Variants in MIA2 observed in about 807,000 individuals in gnomAD.
The protein encoded by MIA2 is MIA SH3 domain ER export factor 2.
A neutral mutation model predicts 167.8 loss-of-function variants in MIA2; 127 were observed. The observed-to-expected ratio is 0.76, with a 90% CI of 0.66 to 0.88. MIA2 has a LOEUF of 0.88. Ranked by LOEUF, MIA2 falls within the 40% of genes least tolerant of loss-of-function variation. The pLI, the probability that MIA2 is intolerant of heterozygous loss-of-function variation, is 0.00. For missense variants in MIA2, 1,690 were observed against 1,624.7 expected (o/e 1.04, Z -0.69); for synonymous variants, 552 against 541.9 (o/e 1.02, Z -0.26).
chr14:39,299,938 C>T lies in MIA2; in HGVS notation c.2571C>T (p.Ser857=). The T allele has an allele frequency of 6.2e-7, 1 of 1,609,550 alleles. No homozygotes were observed. The highest frequency in any genetic ancestry group is 8.5e-7 in the Non-Finnish European group (1 of 1,178,486). The change falls in exon 14 of 29, where the codon TCC becomes TCT. Residue 857 remains serine (S), a synonymous_variant. Transcript: ENST00000640607. ...AACAGAAAGTAACATTTGAAGACTC[C>T]AAAGTACATGCAGAACAAGTTCTAA... ...LNKQKVTFED[S]KVHAEQVLND... is the part of the protein sequence containing the mutation.
chr14:39,303,353 T>C (rs2062828572), intron 15 of MIA2, 125 bp from the exon 16 acceptor site: 3 of 701,832 alleles, frequency 4.3e-6, no homozygotes, highest in Non-Finnish European at 7.1e-6. Flanking sequence ...TACCAAATTC[T>C]TTATTGTAGC....
intron 4 of MIA2, among the ~76,000 whole-genome samples, chr14:39,251,147 T>A (rs1269852364): frequency 6.6e-6 from 1 of 152,190 alleles, no homozygotes; most frequent in Non-Finnish European, 1.5e-5. Flanking sequence ...GATGAATCAC[T>A]GATCTTGAAT....
At chr14:39,321,672 GATATA>G (rs1044832496) in intron 24 of MIA2, among the ~76,000 whole-genome samples, 10 of 151,728 alleles carry the variant, frequency 6.6e-5, no homozygotes, top group Admixed American at 2.6e-4. Flanking sequence ...TATATTACAT[GATATA>G]ATATAAAATT....
chr14:39,269,098 T>A, intron 6 of MIA2: 1 of 883,172 alleles, frequency 1.1e-6, no homozygotes. Context: ...TTTTTTTTTT[T>A]TGCTAAATGC....
chr14:39,357,677 G>T (rs551583637), intron 23 of MIA2, among the ~76,000 whole-genome samples: 5 of 152,308 alleles, frequency 3.3e-5, no homozygotes, highest in African/African-American at 1.2e-4. Flanking sequence ...GCATGTTTTT[G>T]CAGTGGCTGT....
intron 6 of MIA2, among the ~76,000 whole-genome samples, chr14:39,274,310 T>C (rs889877351): frequency 5.3e-5 from 8 of 152,132 alleles, no homozygotes; most frequent in African/African-American, 1.9e-4. Context: ...TGAGATAGGG[T>C]GTTATGTTGT....
Position 39,364,224 on chromosome 14 carries a change from GGC to G in MIA2, c.2248+15254_2248+15255del, listed in dbSNP as rs2074765609. Among the ~76,000 whole-genome samples the G allele has an allele frequency of 2.0e-5, 3 of 152,082 alleles. 1 individual carries two copies. The South Asian group carries it at 6.2e-4, about 32-fold the overall frequency. ...AATACAAAAATTAGCTGGGTGTGGT[GGC>G]GCGCGCCTGTAGTCCCAGCTACTCA... On this transcript the variant is annotated intron_variant, in intron 23 of 23. Coordinates refer to the MIA2 transcript ENST00000341502.
chr14:39,324,410 A>G (rs992669252), intron 24 of MIA2, among the ~76,000 whole-genome samples: 5 of 152,226 alleles, frequency 3.3e-5, no homozygotes, highest in African/African-American at 1.2e-4. Flanking sequence ...GAAAAATGAT[A>G]GTTTACCTCC....
At chr14:39,280,550 G>A (rs1368687422) in intron 9 of MIA2, among the ~76,000 whole-genome samples, 1 of 152,020 alleles carries the variant, frequency 6.6e-6, no homozygotes, top group Non-Finnish European at 1.5e-5. Context: ...GGCTAACATG[G>A]TGAAACCCCG....
chr14:39,267,107 A>G, intron 6 of MIA2: 1 of 1,114,470 alleles, frequency 9.0e-7, no homozygotes, highest in Non-Finnish European at 1.1e-6. Flanking sequence ...GAAGAAGGGG[A>G]AGTTTGCGGC....
chr14:39,273,472 C>T (rs2057477202), intron 6 of MIA2, among the ~76,000 whole-genome samples: 1 of 152,074 alleles, frequency 6.6e-6, no homozygotes, highest in South Asian at 2.1e-4. Flanking sequence ...CCCACCTCGG[C>T]CTTCTGAGTA....
chr14:39,386,240 G>T (rs2075271161), intron 23 of MIA2: 9 of 1,426,238 alleles, frequency 6.3e-6, no homozygotes, highest in South Asian at 2.3e-5. Flanking sequence ...TGTATTTTTG[G>T]TAGAGGGTCC....
intron 7 of MIA2, among the ~76,000 whole-genome samples, chr14:39,278,967 C>A (rs1252865514): frequency 2.0e-5 from 3 of 151,978 alleles, no homozygotes; most frequent in Admixed American, 6.6e-5. Flanking sequence ...TCCAGACCAG[C>A]CTGGCCAACA....
At chr14:39,339,789 A>G (rs952368370) in intron 25 of MIA2, among the ~76,000 whole-genome samples, 1 of 152,152 alleles carries the variant, frequency 6.6e-6, no homozygotes, top group Admixed American at 6.6e-5. Flanking sequence ...ACAACTTGAG[A>G]AACAGAATTT....
intron 9 of MIA2, among the ~76,000 whole-genome samples, chr14:39,285,995 A>G (rs1462587975): frequency 6.6e-6 from 1 of 150,778 alleles, no homozygotes. Flanking sequence ...CTCACATCCT[A>G]GACGATGGGC....
At chr14:39,386,866 G>A (rs750565648) in intron 23 of MIA2, 27 of 855,732 alleles carry the variant, frequency 3.2e-5, no homozygotes, top group African/African-American at 2.2e-4. Flanking sequence ...ACTCTGAGGC[G>A]GTCGTTCTCT....
chr14:39,260,294 A>G (rs2152653392), intron 6 of MIA2, among the ~76,000 whole-genome samples: 1 of 152,348 alleles, frequency 6.6e-6, no homozygotes, highest in East Asian at 1.9e-4. Context: ...TGTCTTCCAC[A>G]GTGGTTGAAC....
chr14:39,301,775 A>T (rs1015048388), intron 14 of MIA2, among the ~76,000 whole-genome samples: 1 of 152,222 alleles, frequency 6.6e-6, no homozygotes, highest in Non-Finnish European at 1.5e-5. Context: ...CTCACTGCAG[A>T]TGTGTTTGGT....
In MIA2 at chr14:39,308,690, G is replaced by C. The variant is rs45608137; in HGVS notation, c.3017+103G>C. The C allele has an allele frequency of 8.3e-5, 79 of 952,676 alleles. No homozygotes were observed. The Middle Eastern group carries it at 9.0e-4, about 11-fold the overall frequency. 59.0% of individuals were successfully genotyped at this position (952,676 alleles called of 1,614,324 possible). A position where few individuals can be genotyped will look rare whatever the true frequency, so the allele number is the denominator to read the frequency against. ...TGATTATTGAAAGTTCTCAATTTAT[G>C]ATTAGATTGTATTTCATCAACTTAT... On this transcript the variant is annotated intron_variant, in intron 18 of 28. Transcript: ENST00000640607.
Sources: allele counts gnomAD v4.1 joint callset (sites outside exome capture counted in the v4.1 genomes callset), GRCh38; gene constraint gnomAD v4.1.1; transcripts MANE v1.5; gene names NCBI Gene and HGNC (gene_info 2026-07-23, HGNC 2026-07-21).